EMP2: variants seen among roughly 807,000 people sequenced by gnomAD.
EMP2 encodes epithelial membrane protein 2.
Under a neutral mutation model 13.7 loss-of-function variants are expected in EMP2, and 19 were observed. The observed-to-expected ratio is 1.38, with a 90% CI of 0.97 to 2.03. The LOEUF (loss-of-function observed/expected upper bound fraction) is 2.03. EMP2 is among the 30% of genes most tolerant of loss of function. The pLI, the probability that EMP2 is intolerant of heterozygous loss-of-function variation, is 0.00. For synonymous variants in EMP2, 97 were observed against 84.7 expected, an observed-to-expected ratio of 1.15 and a Z score of -0.80; for missense variants, 253 against 220.7, an observed-to-expected ratio of 1.15 and a Z score of -0.93.
intron 3 of EMP2, among the ~76,000 whole-genome samples, chr16:10,542,151 C>G (rs1452717428): frequency 6.6e-6 from 1 of 152,072 alleles, no homozygotes; most frequent in Non-Finnish European, 1.5e-5. Context: ...GGCTCCTCCT[C>G]CTCCTTTAGG....
chr16:10,543,697 C>G (rs368368522), intron 2 of EMP2, 37 bp from the exon 3 acceptor site: 10 of 1,599,246 alleles, frequency 6.3e-6, no homozygotes, highest in South Asian at 3.3e-5. Context: ...AAAGGCCGTC[C>G]GTTCATGATG....
chr16:10,538,248 C>A (rs1351340297), intron 3 of EMP2, among the ~76,000 whole-genome samples, 174 bp from the exon 4 acceptor site: 1 of 152,168 alleles, frequency 6.6e-6, no homozygotes, highest in Non-Finnish European at 1.5e-5. Flanking sequence ...TTCCAGACCC[C>A]CTGCCCCTCA....
intron 4 of EMP2, among the ~76,000 whole-genome samples, chr16:10,536,160 G>A (rs760566876): frequency 6.6e-6 from 1 of 152,224 alleles, no homozygotes; most frequent in African/African-American, 2.4e-5. Flanking sequence ...GGGAGGGGAC[G>A]CTGAGTGTGA....
intron 4 of EMP2, among the ~76,000 whole-genome samples, chr16:10,536,422 C>T (rs558842967): frequency 9.9e-5 from 15 of 152,148 alleles, no homozygotes; most frequent in African/African-American, 3.1e-4. Context: ...ATCATGGGGG[C>T]GGTTCCCCCA....
At chr16:10,561,080 T>C (rs1295414576) in intron 1 of EMP2, among the ~76,000 whole-genome samples, 1 of 151,596 alleles carries the variant, frequency 6.6e-6, no homozygotes, top group African/African-American at 2.4e-5. Flanking sequence ...ATGATGAGGG[T>C]CTCAAATGAG....
chr16:10,540,973 A>T (rs559060027), intron 3 of EMP2, among the ~76,000 whole-genome samples: 61 of 152,280 alleles, frequency 4.0e-4, no homozygotes, highest in Admixed American at 7.2e-4. Flanking sequence ...CCATAATCCC[A>T]GCTACTGGGG....
intron 1 of EMP2, among the ~76,000 whole-genome samples, chr16:10,549,756 G>T (rs554553979): frequency 2.2e-5 from 3 of 139,094 alleles, no homozygotes; most frequent in Non-Finnish European, 4.7e-5. Context: ...CACATACACT[G>T]TCTCTCTTTT....
chr16:10,545,146 A>T (rs532410237), intron 2 of EMP2: 1 of 152,314 alleles, frequency 6.6e-6, no homozygotes, highest in East Asian at 1.9e-4. Flanking sequence ...GCTGGATACG[A>T]TTCACTAAGG....
At chr16:10,543,953 G>C (rs2050720410) in intron 2 of EMP2, among the ~76,000 whole-genome samples, 1 of 152,080 alleles carries the variant, frequency 6.6e-6, no homozygotes, top group Admixed American at 6.6e-5. Flanking sequence ...TCCATCTCTT[G>C]GGCTCGAGCA....
At chr16:10,553,168 TA>T (rs1567205662) in intron 1 of EMP2, among the ~76,000 whole-genome samples, 1 of 152,144 alleles carries the variant, frequency 6.6e-6, no homozygotes, top group Non-Finnish European at 1.5e-5. Flanking sequence ...GGAATAAAAA[TA>T]ACCCTTTACT....
intron 1 of EMP2, among the ~76,000 whole-genome samples, chr16:10,570,086 G>A (rs2050936771): frequency 6.6e-6 from 1 of 152,176 alleles, no homozygotes; most frequent in Non-Finnish European, 1.5e-5. Flanking sequence ...GGGTGCCCTG[G>A]TGAACTATCA....
In EMP2 at chr16:10,580,233, A is replaced by G. The variant is rs1397436120; in HGVS notation, c.-61+316T>C. The stretch of plus-strand genomic sequence containing the variant: ...GACCTGGGGATCTCCCTGGACTCCA[A>G]GAGCCCCGGGTGTAAGTCCGGCGGG... On this transcript the variant is annotated intron_variant, in intron 1 of 4. Transcript: ENST00000359543. The surrounding 1 kb of genome is among the most constrained non-coding windows in gnomAD (Gnocchi z 4.3). Among the ~76,000 whole-genome samples, 1 of 152,134 alleles carries G rather than the reference A, an allele frequency of 6.6e-6. No individual in the cohort carries two copies. Among genetic ancestry groups the G allele is most frequent in the Non-Finnish European group, 1.5e-5 (1 of 68,012 alleles).
At chr16:10,537,487 G>A (rs2050656292) in intron 4 of EMP2, among the ~76,000 whole-genome samples, 1 of 152,132 alleles carries the variant, frequency 6.6e-6, no homozygotes, top group African/African-American at 2.4e-5. Flanking sequence ...CATGGGGCGT[G>A]GCCCTGCCTG....
At chr16:10,565,308 T>A (rs1475586353) in intron 1 of EMP2, among the ~76,000 whole-genome samples, 1 of 152,226 alleles carries the variant, frequency 6.6e-6, no homozygotes, top group African/African-American at 2.4e-5. Flanking sequence ...AGATTCACAT[T>A]TGAATCAGTG....
At chr16:10,565,706 T>A (rs182818591) in intron 1 of EMP2, among the ~76,000 whole-genome samples, 1 of 152,008 alleles carries the variant, frequency 6.6e-6, no homozygotes, top group Non-Finnish European at 1.5e-5. Flanking sequence ...TGGGGAGGGA[T>A]CCAACAGGAA....
intron 1 of EMP2, among the ~76,000 whole-genome samples, chr16:10,557,237 G>A (rs1173104402): frequency 9.2e-5 from 14 of 151,590 alleles, no homozygotes; most frequent in Admixed American, 8.6e-4. Context: ...GATGCCTATC[G>A]TCCCAGCTAC....
chr16:10,533,119 A>G (rs2050620963), intron 4 of EMP2, 27 bp from the exon 5 acceptor site: 1 of 1,526,688 alleles, frequency 6.6e-7, no homozygotes, highest in Admixed American at 1.9e-5. Context: ...TGAATTTTCA[A>G]TAAATCATGG....
intron 2 of EMP2, 43 bp from the exon 3 acceptor site, chr16:10,543,703 T>C (rs186355034): frequency 9.2e-5 from 147 of 1,590,956 alleles, no homozygotes; most frequent in South Asian, 2.9e-4. Flanking sequence ...CGTCCGTTCA[T>C]GATGCAAACA....
At position 10,532,758 on chromosome 16, in the gene EMP2, C is replaced by CTTTTTCTT. The variant is rs1567199104; in HGVS notation, c.*146_*147insAAGAAAAA. The CTTTTTCTT allele has an allele frequency of 8.9e-4, 164 of 184,848 alleles. 4 individuals are homozygous for CTTTTTCTT. Among genetic ancestry groups the CTTTTTCTT allele is most frequent in the African/African-American group, 1.8e-3 (43 of 23,822 alleles). The allele number at this position is 184,848 out of a possible 1,614,324, so 11.5% of individuals were successfully genotyped here. The stretch of plus-strand genomic sequence containing the variant: ...CTTTTGGATTTTTTTTTTCTTTTTT[C>CTTTTTCTT]TTTTTTTTTTTTTTTTTTTTTTTTT... On this transcript the variant is annotated 3_prime_UTR_variant, in exon 5 of 5. Transcript: ENST00000359543.
Sources: gnomAD v4.1 joint callset for allele counts (sites outside exome capture counted in the v4.1 genomes callset) on GRCh38, gnomAD v4.1.1 for gene constraint, Gnocchi (gnomAD v3.1) non-coding constraint, MANE v1.5 for transcripts, NCBI Gene and HGNC (gene_info 2026-07-23, HGNC 2026-07-21) for gene names.